Variants in CTTNBP2 observed in about 807,000 individuals in gnomAD.
CTTNBP2 encodes cortactin binding protein 2.
In CTTNBP2, 108 loss-of-function variants were observed where a neutral mutation model predicts 156.9. The observed-to-expected ratio is 0.69, with a 90% CI of 0.59 to 0.81. CTTNBP2 has a LOEUF of 0.81. CTTNBP2 is among the 30% of genes least tolerant of loss of function. CTTNBP2 has a pLI of 0.00. For synonymous variants in CTTNBP2, 767 were observed against 751.8 expected, an observed-to-expected ratio of 1.02 and a Z score of -0.33; for missense variants, 1,924 against 2,035.4, an observed-to-expected ratio of 0.95 and a Z score of 1.05.
chr7:117,819,367 TCACACACA>T lies in CTTNBP2; in HGVS notation c.190-8386_190-8379del, dbSNP rs71529472. Among the ~76,000 whole-genome samples, 374 of 130,694 alleles carry T rather than the reference TCACACACA, an allele frequency of 2.9e-3. 11 individuals are homozygous for T. The highest frequency in any genetic ancestry group is 8.1e-3 in the African/African-American group (304 of 37,420). The allele number at this position is 130,694 out of a possible 152,430, so 85.7% of individuals were successfully genotyped here. ...TTTCTCTTTTCTCCTTCTCTCTCTC[TCACACACA>T]CACACACACACACACACACACACAC... On this transcript the variant is annotated intron_variant, in intron 2 of 22. Coordinates refer to ENST00000160373, the MANE Select transcript of CTTNBP2 (RefSeq NM_033427.3).
intron 1 of CTTNBP2, among the ~76,000 whole-genome samples, chr7:117,861,944 G>A (rs1279606790): frequency 6.6e-6 from 1 of 151,898 alleles, no homozygotes. Flanking sequence ...TCAGATGACT[G>A]GGTAACTCCA....
intron 8 of CTTNBP2, among the ~76,000 whole-genome samples, chr7:117,771,882 T>G (rs1312157890): frequency 6.6e-6 from 1 of 152,072 alleles, no homozygotes. Flanking sequence ...CAAGCTGAAA[T>G]GTTTTCCAGG....
At chr7:117,747,116 A>C (rs929140334) in intron 12 of CTTNBP2, among the ~76,000 whole-genome samples, 2 of 152,222 alleles carry the variant, frequency 1.3e-5, no homozygotes, top group African/African-American at 4.8e-5. Context: ...GCCGGAAAGG[A>C]CTTGGACAGG....
chr7:117,758,000 A>C (rs1396021969), intron 10 of CTTNBP2, 30 bp from the exon 11 acceptor site: 1 of 1,552,954 alleles, frequency 6.4e-7, no homozygotes, highest in Non-Finnish European at 8.8e-7. Context: ...TAAAATGTCA[A>C]GGGAAGCTTA....
chr7:117,811,730 A>G (rs1800290285), intron 2 of CTTNBP2, among the ~76,000 whole-genome samples: 1 of 152,046 alleles, frequency 6.6e-6, no homozygotes, highest in African/African-American at 2.4e-5. Context: ...CATACAAAAA[A>G]TCCCCTATAG....
intron 3 of CTTNBP2, among the ~76,000 whole-genome samples, chr7:117,807,534 G>A (rs1157562250): frequency 6.6e-6 from 1 of 152,194 alleles, no homozygotes; most frequent in Non-Finnish European, 1.5e-5. Context: ...TATGTTAGGA[G>A]AATTCTCTAC....
intron 2 of CTTNBP2, among the ~76,000 whole-genome samples, chr7:117,820,085 C>T (rs1050433364): frequency 3.9e-5 from 6 of 152,244 alleles, no homozygotes; most frequent in African/African-American, 1.2e-4. Context: ...TTCATTAGTG[C>T]TCATGCTCTG....
chr7:117,799,691 AG>A (rs1373888956), intron 3 of CTTNBP2, among the ~76,000 whole-genome samples: 1 of 152,112 alleles, frequency 6.6e-6, no homozygotes, highest in Non-Finnish European at 1.5e-5. Context: ...AAAGGCAGGC[AG>A]GCAAATCATT....
At chr7:117,828,403 C>T (rs757439546) in intron 2 of CTTNBP2, among the ~76,000 whole-genome samples, 35 of 152,286 alleles carry the variant, frequency 2.3e-4, no homozygotes, top group Non-Finnish European at 4.1e-4. Context: ...ACCGTTAAGT[C>T]AGAGGTACAG....
chr7:117,717,873 A>G (rs1183883855), intron 22 of CTTNBP2, 145 bp downstream of exon 22: 1 of 555,448 alleles, frequency 1.8e-6, no homozygotes, highest in African/African-American at 1.9e-5. Flanking sequence ...CTAAAACCTA[A>G]TGAACACTTT....
intron 2 of CTTNBP2, among the ~76,000 whole-genome samples, chr7:117,836,885 G>GT (rs1554442966): frequency 6.6e-6 from 1 of 152,064 alleles, no homozygotes; most frequent in Non-Finnish European, 1.5e-5. Flanking sequence ...GGGGGAAACC[G>GT]CCCCCATGAT....
chr7:117,845,188 A>G (rs567379526), intron 2 of CTTNBP2, among the ~76,000 whole-genome samples: 1 of 152,324 alleles, frequency 6.6e-6, no homozygotes, highest in African/African-American at 2.4e-5. Flanking sequence ...GGGCATCTGC[A>G]AAGGAGGAAT....
chr7:117,745,771 T>C, intron 14 of CTTNBP2, 60 bp downstream of exon 14: 1 of 1,081,316 alleles, frequency 9.2e-7, no homozygotes, highest in Non-Finnish European at 1.4e-6. Context: ...TTTCTCTTAA[T>C]GGCATAATTG....
chr7:117,727,403 T>C (rs900260105), intron 17 of CTTNBP2, among the ~76,000 whole-genome samples: 1 of 152,074 alleles, frequency 6.6e-6, no homozygotes, highest in African/African-American at 2.4e-5. Context: ...CTACGTTGCC[T>C]GGGCTGACCT....
chr7:117,795,893 C>T (rs1365789215), intron 3 of CTTNBP2, among the ~76,000 whole-genome samples: 3 of 152,156 alleles, frequency 2.0e-5, no homozygotes, highest in African/African-American at 7.2e-5. Context: ...GCTCTAAACT[C>T]AAACTCTGAC....
At chr7:117,794,658 G>T (rs1799213890) in intron 3 of CTTNBP2, among the ~76,000 whole-genome samples, 1 of 152,186 alleles carries the variant, frequency 6.6e-6, no homozygotes, top group Non-Finnish European at 1.5e-5. Context: ...GTGAGAGATA[G>T]TGTTTCTTTA....
At chr7:117,863,795 T>C (rs1029650059) in intron 1 of CTTNBP2, among the ~76,000 whole-genome samples, 4 of 152,198 alleles carry the variant, frequency 2.6e-5, no homozygotes, top group African/African-American at 9.6e-5. Context: ...GAATGGGGTA[T>C]TGGCCAGGAG....
chr7:117,826,691 TAA>T (rs1258715847), intron 2 of CTTNBP2, among the ~76,000 whole-genome samples: 4 of 151,812 alleles, frequency 2.6e-5, no homozygotes, highest in Admixed American at 6.6e-5. Flanking sequence ...ATTAATCCCA[TAA>T]AACTTATCAA....
intron 3 of CTTNBP2, among the ~76,000 whole-genome samples, chr7:117,807,966 T>C (rs1392868801): frequency 6.6e-6 from 1 of 152,208 alleles, no homozygotes; most frequent in Non-Finnish European, 1.5e-5. Context: ...AGCTCAAAAC[T>C]AAGAATCCTG....
Sources: gnomAD v4.1 joint callset for allele counts (sites outside exome capture counted in the v4.1 genomes callset) on GRCh38, gnomAD v4.1.1 for gene constraint, MANE v1.5 for transcripts, NCBI Gene and HGNC (gene_info 2026-07-23, HGNC 2026-07-21) for gene names.